Variants in DYRK1A observed in about 807,000 individuals in gnomAD.
DYRK1A encodes dual specificity tyrosine phosphorylation regulated kinase 1A.
In DYRK1A, 9 loss-of-function variants were observed where a neutral mutation model predicts 79.7. That is an observed-to-expected ratio of 0.11 (90% confidence interval 0.07 to 0.20). DYRK1A has a LOEUF of 0.20. Among genes scored for constraint, DYRK1A ranks in the 10% least tolerant of loss-of-function variants. The pLI is 1.00. For missense variants in DYRK1A, 622 were observed against 956.0 expected (o/e 0.65, Z 4.61); for synonymous variants, 349 against 329.7 (o/e 1.06, Z -0.63).
intron 9 of DYRK1A, among the ~76,000 whole-genome samples, chr21:37,499,975 CAT>C (rs1268311796): frequency 4.6e-5 from 7 of 152,186 alleles, no homozygotes; most frequent in Admixed American, 3.9e-4. Context: ...CAACTTTTCA[CAT>C]ATGTGGGTTC....
intron 2 of DYRK1A, among the ~76,000 whole-genome samples, chr21:37,457,466 G>A (rs193066648): frequency 2.6e-5 from 4 of 152,182 alleles, no homozygotes; most frequent in Admixed American, 6.6e-5. Context: ...CGAACTCCTC[G>A]CCTCAAGTGA....
Position 37,512,185 on chromosome 21 carries a change from G to C in DYRK1A, c.1919G>C (p.Gly640Ala). ...SSSTQDSMEV[G>A]HSHHSMTSLS... ...TCTACCCAAGATTCTATGGAGGTTGGCCACAGTCACCACTCCATGACATCC... is the reference window on the plus strand; with the variant it reads ...TCTACCCAAGATTCTATGGAGGTTGCCCACAGTCACCACTCCATGACATCC... The change falls in exon 12 of 12, where the codon GGC (glycine) becomes GCC (alanine). Residue 640 changes from glycine (G) to alanine (A), a missense_variant. Physicochemically the swap from Gly to Ala is moderately conservative, Grantham distance 60. This residue lies in a region of DYRK1A where 292 missense variants were observed against 316.7 expected (regional missense o/e 0.92). Transcript: ENST00000647188. The C allele has an allele frequency of 6.2e-7, 1 of 1,614,056 alleles. No individual in the cohort carries two copies. Among genetic ancestry groups the C allele is most frequent in the Non-Finnish European group, 8.5e-7 (1 of 1,180,000 alleles).
At chr21:37,455,216 T>G (rs538944429) in intron 2 of DYRK1A, among the ~76,000 whole-genome samples, 142 of 152,126 alleles carry the variant, frequency 9.3e-4, no homozygotes, top group Middle Eastern at 3.4e-3. Flanking sequence ...GATGACATGT[T>G]TTTTCCAGTG....
At chr21:37,402,787 G>C (rs1401971718) in intron 1 of DYRK1A, among the ~76,000 whole-genome samples, 1 of 151,654 alleles carries the variant, frequency 6.6e-6, no homozygotes, top group Non-Finnish European at 1.5e-5. Context: ...TTTTGAGACA[G>C]AGTCTTACTC....
At chr21:37,402,978 G>A (rs12483564) in intron 1 of DYRK1A, among the ~76,000 whole-genome samples, 11,466 of 152,078 alleles carry the variant, frequency 0.075, 645 homozygotes, top group Non-Finnish European at 0.11. Context: ...TGGACAGGCT[G>A]GTCTTGAACT....
intron 11 of DYRK1A, among the ~76,000 whole-genome samples, chr21:37,509,339 AT>A (rs2053688302): frequency 6.6e-6 from 1 of 152,206 alleles, no homozygotes; most frequent in South Asian, 2.1e-4. Context: ...CACTTTCTGT[AT>A]ATCAGTAAAT....
At chr21:37,387,208 A>G (rs2049777625) in intron 1 of DYRK1A, among the ~76,000 whole-genome samples, 1 of 152,186 alleles carries the variant, frequency 6.6e-6, no homozygotes, top group Non-Finnish European at 1.5e-5. Flanking sequence ...TTAATACATT[A>G]TTTGTTGATT....
Position 37,478,533 on chromosome 21 carries a change from A to C in DYRK1A, c.300+233A>C, listed in dbSNP as rs186040428. ...CTTGATTTTTTTAAGGTTGTATTTA[A>C]TATACTGTTATTTCTTTTTTTAATT... On this transcript the variant is annotated intron_variant, in intron 4 of 11. Transcript: ENST00000647188. Among the ~76,000 whole-genome samples the C allele has an allele frequency of 6.9e-3, 1,055 of 152,218 alleles. 9 individuals carry two copies. The highest frequency in any genetic ancestry group is 0.014 in the South Asian group (66 of 4,826).
intron 3 of DYRK1A, among the ~76,000 whole-genome samples, 185 bp from the exon 4 acceptor site, chr21:37,478,023 T>G (rs905799356): frequency 6.6e-6 from 1 of 152,228 alleles, no homozygotes. Flanking sequence ...TTTGTTCTAG[T>G]GGTTGTCTTT....
At chr21:37,409,475 C>CA (rs1289775040) in intron 1 of DYRK1A, among the ~76,000 whole-genome samples, 1 of 152,054 alleles carries the variant, frequency 6.6e-6, no homozygotes, top group Non-Finnish European at 1.5e-5. Context: ...TTTTTAAAAA[C>CA]AAATATATTT....
chr21:37,460,638 A>G (rs2051810136), intron 2 of DYRK1A, among the ~76,000 whole-genome samples: 1 of 152,168 alleles, frequency 6.6e-6, no homozygotes, highest in South Asian at 2.1e-4. Flanking sequence ...CCTAGATTTA[A>G]TTAAGGGCTC....
At chr21:37,501,169 T>G (rs1246982365) in intron 9 of DYRK1A, among the ~76,000 whole-genome samples, 2 of 140,294 alleles carry the variant, frequency 1.4e-5, no homozygotes, top group African/African-American at 5.5e-5. Context: ...GTTGTTGGTT[T>G]TTTTTTTTTT....
intron 1 of DYRK1A, among the ~76,000 whole-genome samples, chr21:37,383,695 A>G (rs756501961): frequency 6.6e-6 from 1 of 152,200 alleles, no homozygotes; most frequent in Non-Finnish European, 1.5e-5. Flanking sequence ...AGGAGTGACA[A>G]GATTGACAAG....
intron 2 of DYRK1A, among the ~76,000 whole-genome samples, chr21:37,472,003 A>G (rs571598529): frequency 7.2e-5 from 11 of 152,258 alleles, no homozygotes; most frequent in African/African-American, 2.2e-4. Flanking sequence ...TCCACCATGG[A>G]TATCATGATC....
chr21:37,501,166 GTTTT>G (rs34646709), intron 9 of DYRK1A, among the ~76,000 whole-genome samples: 2 of 93,992 alleles, frequency 2.1e-5, no homozygotes, highest in African/African-American at 4.7e-5. Context: ...GTTGTTGTTG[GTTTT>G]TTTTTTTTTT....
chr21:37,445,689 A>G (rs2051246045), intron 2 of DYRK1A, among the ~76,000 whole-genome samples: 1 of 152,218 alleles, frequency 6.6e-6, no homozygotes, highest in Admixed American at 6.5e-5. Context: ...CTCTTGTATC[A>G]TGAACAGTGT....
intron 2 of DYRK1A, among the ~76,000 whole-genome samples, chr21:37,437,775 T>C (rs533975656): frequency 6.6e-6 from 1 of 152,204 alleles, no homozygotes; most frequent in Non-Finnish European, 1.5e-5. Flanking sequence ...TTGGGTTGTT[T>C]CCAGTTTTTG....
chr21:37,448,518 C>G (rs2051342864), intron 2 of DYRK1A, among the ~76,000 whole-genome samples: 1 of 152,034 alleles, frequency 6.6e-6, no homozygotes, highest in Non-Finnish European at 1.5e-5. Flanking sequence ...TATAACATAA[C>G]TTTGTTTTTA....
chr21:37,403,594 T>C (rs915225710), intron 1 of DYRK1A, among the ~76,000 whole-genome samples: 36 of 149,126 alleles, frequency 2.4e-4, no homozygotes, highest in Middle Eastern at 3.5e-3. Context: ...GCCTCCTGAA[T>C]AACTGGGACT....
Sources: allele counts gnomAD v4.1 joint callset (sites outside exome capture counted in the v4.1 genomes callset), GRCh38; gene constraint gnomAD v4.1.1; regional missense constraint gnomAD v4.1.1; transcripts MANE v1.5; gene names NCBI Gene and HGNC (gene_info 2026-07-23, HGNC 2026-07-21).